ANKRD30A: variants seen among roughly 807,000 people sequenced by gnomAD.
The protein encoded by ANKRD30A is ankyrin repeat domain 30A, also known as ankyrin repeat domain-containing protein 30A.
In ANKRD30A, 170 loss-of-function variants were observed where a neutral mutation model predicts 166.3. The ratio of observed to expected loss-of-function variants is 1.02; its 90% CI spans 0.90 to 1.16. ANKRD30A has a LOEUF of 1.16. Ranked by LOEUF, ANKRD30A falls within the 50% of genes most tolerant of loss-of-function variation. The pLI is 0.00. For missense variants in ANKRD30A, 1,630 were observed against 1,518.0 expected (o/e 1.07, Z -1.23); for synonymous variants, 564 against 508.9 (o/e 1.11, Z -1.46).
At chr10:37,237,471 A>G (rs964832602), downstream of ANKRD30A, among the ~76,000 whole-genome samples, 6 of 152,326 alleles carry the variant, frequency 3.9e-5, no homozygotes, top group Admixed American at 3.3e-4. Flanking sequence ...TAATACTGCT[A>G]TGTCCTCTGT....
At chr10:37,157,077 A>C (rs1838438009) in intron 13 of ANKRD30A, among the ~76,000 whole-genome samples, 1 of 152,202 alleles carries the variant, frequency 6.6e-6, no homozygotes, top group Non-Finnish European at 1.5e-5. Context: ...GGAGTAGAGA[A>C]AAATGAGTGA....
At chr10:37,136,565 G>A in intron 5 of ANKRD30A, 42 bp from the exon 6 acceptor site, 1 of 912,504 alleles carries the variant, frequency 1.1e-6, no homozygotes, top group Non-Finnish European at 1.7e-6. Context: ...TATAAAGTCA[G>A]TGTTAAAATG....
chr10:37,225,442 G>A (rs1406658222), intron 34 of ANKRD30A, among the ~76,000 whole-genome samples: 4 of 151,732 alleles, frequency 2.6e-5, no homozygotes, highest in Non-Finnish European at 2.9e-5. Context: ...TTAAAGGAAT[G>A]TTAAAATGGA....
intron 11 of ANKRD30A, 145 bp from the exon 12 acceptor site, chr10:37,151,915 A>C: frequency 3.2e-6 from 2 of 620,216 alleles, no homozygotes; most frequent in Non-Finnish European, 5.4e-6. Context: ...TGACTATAGA[A>C]GTAGTTATTG....
intron 15 of ANKRD30A, among the ~76,000 whole-genome samples, chr10:37,161,125 G>A (rs541572892): frequency 9.2e-5 from 14 of 152,214 alleles, no homozygotes; most frequent in South Asian, 4.1e-4. Context: ...GTGGTGGCAC[G>A]CATTTCTAAT....
At chr10:37,240,883 G>A in the ANKRD30A span, 1 of 152,062 alleles carries the variant, frequency 6.6e-6, no homozygotes, top group Non-Finnish European at 1.5e-5. Flanking sequence ...CACTGCCAAG[G>A]AGCGGATTAT....
chr10:37,259,764 A>G, the ANKRD30A span, among the ~76,000 whole-genome samples: 2 of 152,246 alleles, frequency 1.3e-5, no homozygotes, highest in Non-Finnish European at 2.9e-5. Flanking sequence ...CTATGAATCC[A>G]TATATGCAAG....
intron 15 of ANKRD30A, among the ~76,000 whole-genome samples, chr10:37,162,141 T>C (rs1471328602): frequency 6.6e-6 from 1 of 152,158 alleles, no homozygotes; most frequent in African/African-American, 2.4e-5. Flanking sequence ...CATATGGTTA[T>C]GGAAAAAAAC....
At chr10:37,198,694 C>T (rs757076295) in intron 29 of ANKRD30A, among the ~76,000 whole-genome samples, 10 of 151,996 alleles carry the variant, frequency 6.6e-5, no homozygotes, top group South Asian at 4.1e-4. Context: ...TAAGTTTCTT[C>T]GACACTCTGC....
chr10:37,236,122 A>G (rs369710862), downstream of ANKRD30A, among the ~76,000 whole-genome samples: 10 of 152,070 alleles, frequency 6.6e-5, no homozygotes, highest in African/African-American at 2.2e-4. Flanking sequence ...TGTGTTGAAG[A>G]ATATAAAGTT....
intron 21 of ANKRD30A, among the ~76,000 whole-genome samples, chr10:37,171,700 T>C (rs541525402): frequency 6.4e-4 from 96 of 151,160 alleles, no homozygotes; most frequent in Non-Finnish European, 1.0e-3. Context: ...TTTTCTCTTT[T>C]TCTTTTTTAA....
At chr10:37,256,475 T>G in the ANKRD30A span, among the ~76,000 whole-genome samples, 2 of 152,202 alleles carry the variant, frequency 1.3e-5, no homozygotes, top group Non-Finnish European at 2.9e-5. Flanking sequence ...TGGAACTGTT[T>G]ATGAATACAT....
At chr10:37,193,397 T>G (rs956082444) in intron 27 of ANKRD30A, 139 bp downstream of exon 27, 1 of 1,239,716 alleles carries the variant, frequency 8.1e-7, no homozygotes, top group African/African-American at 1.5e-5. Context: ...CCAATGTGAG[T>G]ATTTCTGTTT....
chr10:37,210,894 A>C (rs949674423), intron 31 of ANKRD30A, among the ~76,000 whole-genome samples: 2 of 151,974 alleles, frequency 1.3e-5, no homozygotes, highest in African/African-American at 4.8e-5. Flanking sequence ...AGATTGCAAA[A>C]ATTTTCTCCC....
chr10:37,155,398 A>G (rs1838293978), intron 13 of ANKRD30A, among the ~76,000 whole-genome samples: 1 of 152,212 alleles, frequency 6.6e-6, no homozygotes, highest in Admixed American at 6.5e-5. Flanking sequence ...TGCTTTAAGT[A>G]TATATCCAAG....
chr10:37,209,383 G>T (rs965052308), intron 31 of ANKRD30A, among the ~76,000 whole-genome samples: 1 of 152,110 alleles, frequency 6.6e-6, no homozygotes, highest in East Asian at 1.9e-4. Context: ...ATGGTGGAAC[G>T]TGAGGAAGAA....
intron 7 of ANKRD30A, 86 bp downstream of exon 7, chr10:37,142,376 T>G: frequency 8.0e-7 from 1 of 1,255,046 alleles, no homozygotes; most frequent in Non-Finnish European, 1.1e-6. Context: ...TAGTTGGGAA[T>G]GACTTGAATA....
chr10:37,153,519 T>C (rs1179572767), intron 12 of ANKRD30A, 53 bp from the exon 13 acceptor site: 5 of 1,596,364 alleles, frequency 3.1e-6, no homozygotes, highest in Non-Finnish European at 4.3e-6. Flanking sequence ...TTTGATACTC[T>C]TCATTACTAG....
chr10:37,152,038 T>A (rs17590120), intron 11 of ANKRD30A, 22 bp from the exon 12 acceptor site: 3 of 1,584,838 alleles, frequency 1.9e-6, no homozygotes, highest in Middle Eastern at 1.7e-4. Context: ...TCATGAATGT[T>A]TCTGTGATTA....
Sources: gnomAD v4.1 joint callset for allele counts (sites outside exome capture counted in the v4.1 genomes callset) on GRCh38, gnomAD v4.1.1 for gene constraint, MANE v1.5 for transcripts, NCBI Gene and HGNC (gene_info 2026-07-23, HGNC 2026-07-21) for gene names.